Variants in GRM7 observed in about 807,000 individuals in gnomAD.
The protein encoded by GRM7 is glutamate metabotropic receptor 7.
Under a neutral mutation model 84.5 loss-of-function variants are expected in GRM7, and 35 were observed. That is an observed-to-expected ratio of 0.41 (90% CI 0.32 to 0.55). The LOEUF is 0.55. Among genes scored for constraint, GRM7 ranks in the 20% least tolerant of loss-of-function variants. GRM7 has a pLI of 0.19. For synonymous variants in GRM7, 487 were observed against 455.1 expected (o/e 1.07, Z -0.89); for missense variants, 1,003 against 1,194.6 (o/e 0.84, Z 2.36).
At chr3:7,339,638 C>G (rs768648331) in intron 4 of GRM7, among the ~76,000 whole-genome samples, 4 of 152,126 alleles carry the variant, frequency 2.6e-5, no homozygotes, top group Non-Finnish European at 4.4e-5. Flanking sequence ...TCCTGGTGCA[C>G]AGGTTCCCTG....
intron 1 of GRM7, among the ~76,000 whole-genome samples, chr3:7,050,107 G>A (rs900003300): frequency 6.6e-6 from 1 of 151,828 alleles, no homozygotes; most frequent in Admixed American, 6.6e-5. Flanking sequence ...AAGGCTATGA[G>A]GAGGTCTGTG....
intron 1 of GRM7, among the ~76,000 whole-genome samples, chr3:7,046,161 G>A (rs1228947518): frequency 6.6e-6 from 1 of 152,034 alleles, no homozygotes; most frequent in East Asian, 1.9e-4. Context: ...CCATTGTTAT[G>A]CTTTTTGTGG....
At chr3:7,175,435 AT>A (rs1695113726) in intron 2 of GRM7, among the ~76,000 whole-genome samples, 1 of 152,218 alleles carries the variant, frequency 6.6e-6, no homozygotes, top group African/African-American at 2.4e-5. Flanking sequence ...TGTGGAAGAG[AT>A]TATTGTGTCA....
At chr3:7,688,312 G>C (rs573099875) in intron 9 of GRM7, among the ~76,000 whole-genome samples, 5 of 152,214 alleles carry the variant, frequency 3.3e-5, no homozygotes, top group African/African-American at 1.2e-4. Context: ...ATAAAGCAAT[G>C]AGGTCACATC....
intron 8 of GRM7, among the ~76,000 whole-genome samples, chr3:7,642,343 A>G (rs902766904): frequency 1.3e-5 from 2 of 152,188 alleles, no homozygotes; most frequent in Admixed American, 1.3e-4. Context: ...AAAAAGTGGT[A>G]GAGGGAGAGG....
At position 7,554,580 on chromosome 3, in the gene GRM7, C is replaced by A. The variant is rs148055904; in HGVS notation, c.1516-23842C>A. Among the ~76,000 whole-genome samples the A allele has an allele frequency of 1.7e-3, 260 of 152,274 alleles. 2 individuals are homozygous for A. Among genetic ancestry groups the A allele is most frequent in the Admixed American group, 3.0e-3 (46 of 15,298 alleles). ...AAGTAATCCACCGCTAAATATCAGC[C>A]GCTTAGCCTAATAAAAGTTGATTTA... is the stretch of plus-strand genomic sequence containing the variant. On this transcript the variant is annotated intron_variant, in intron 7 of 9. Transcript: ENST00000357716.
At chr3:7,606,456 A>G (rs956164969) in intron 8 of GRM7, among the ~76,000 whole-genome samples, 4 of 152,182 alleles carry the variant, frequency 2.6e-5, no homozygotes, top group African/African-American at 9.7e-5. Context: ...TGACAATAAA[A>G]CACACAAATA....
rs111904592 is a variant in GRM7 at position 7,629,083 on chromosome 3, A to T, written c.2451+49726A>T. Among the ~76,000 whole-genome samples the T allele has an allele frequency of 2.1e-3, 325 of 151,840 alleles. 5 individuals are homozygous for T. Among genetic ancestry groups the T allele is most frequent in the African/African-American group, 7.6e-3 (314 of 41,336 alleles). On this transcript the variant is annotated intron_variant, in intron 8 of 9. Coordinates refer to ENST00000357716, the MANE Select transcript of GRM7 (RefSeq NM_000844.4). ...GTAATATTATTTATGAAGGCTCTGT[A>T]AAAAAAAGGAGATAACTTGACTGCT...
intron 1 of GRM7, among the ~76,000 whole-genome samples, chr3:6,923,294 CG>C (rs1575019048): frequency 3.3e-5 from 5 of 150,594 alleles, no homozygotes; most frequent in Admixed American, 6.6e-5. Context: ...GGATTACAGG[CG>C]TGAGCTACCA....
Position 7,626,594 on chromosome 3 carries a change from T to C in GRM7, c.2451+47237T>C, listed in dbSNP as rs556154750. ...TCTGCCAAGCTGCAGACAGCAATGC[T>C]TGGTGTTTCTTATGAAAAGCATGAC... On this transcript the variant is annotated intron_variant, in intron 8 of 9. Transcript: ENST00000357716. Among the ~76,000 whole-genome samples, 22 of 152,292 alleles carry C rather than the reference T, an allele frequency of 1.4e-4. No homozygotes were observed. In the South Asian group the frequency reaches 2.3e-3, roughly 16 times the overall value.
chr3:7,050,127 A>G lies in GRM7; in HGVS notation c.520-96325A>G, dbSNP rs181161077. On this transcript the variant is annotated intron_variant, in intron 1 of 9. Transcript: ENST00000357716. ...TATGAGGAGGTCTGTGGAAAGTCAC[A>G]TGTTCAATGGAATATGTACAAATTA... Among the ~76,000 whole-genome samples the G allele has an allele frequency of 8.0e-4, 122 of 152,040 alleles. 1 individual carries two copies. The highest frequency in any genetic ancestry group is 2.6e-3 in the African/African-American group (107 of 41,538).
intron 9 of GRM7, among the ~76,000 whole-genome samples, chr3:7,710,202 A>C (rs983588684): frequency 6.6e-6 from 1 of 152,188 alleles, no homozygotes; most frequent in African/African-American, 2.4e-5. Flanking sequence ...TTAAAGACTT[A>C]CATATCTCTT....
chr3:6,902,727 C>G (rs1379514259), intron 1 of GRM7, among the ~76,000 whole-genome samples: 2 of 151,978 alleles, frequency 1.3e-5, no homozygotes, highest in African/African-American at 2.4e-5. Context: ...GAGTGTCATC[C>G]AAGCAGTGTC....
intron 7 of GRM7, among the ~76,000 whole-genome samples, chr3:7,506,183 G>C (rs151011367): frequency 6.6e-6 from 1 of 152,064 alleles, no homozygotes; most frequent in East Asian, 1.9e-4. Context: ...ACAGTTCATT[G>C]TTACCTAATA....
chr3:7,692,041 G>A (rs2125151671), intron 9 of GRM7, among the ~76,000 whole-genome samples: 1 of 152,272 alleles, frequency 6.6e-6, no homozygotes, highest in Non-Finnish European at 1.5e-5. Context: ...AGAGTTGGAA[G>A]TCATGATATC....
chr3:7,165,618 G>A (rs1694775530), intron 2 of GRM7, among the ~76,000 whole-genome samples: 1 of 152,112 alleles, frequency 6.6e-6, no homozygotes, highest in Non-Finnish European at 1.5e-5. Flanking sequence ...TAGCTAATTC[G>A]ATATCTATAC....
intron 8 of GRM7, among the ~76,000 whole-genome samples, chr3:7,623,099 A>G (rs1422049543): frequency 2.0e-5 from 3 of 152,164 alleles, no homozygotes; most frequent in Non-Finnish European, 2.9e-5. Flanking sequence ...AATTCAGCCT[A>G]GCTAAGTTGA....
At chr3:7,352,048 ACACACACAC>A (rs1301400485) in intron 4 of GRM7, among the ~76,000 whole-genome samples, 6 of 124,206 alleles carry the variant, frequency 4.8e-5, no homozygotes, top group South Asian at 2.8e-4. Context: ...TCTCACACAC[ACACACACAC>A]CACACACACA....
At chr3:7,650,104 T>C (rs1698855576) in intron 8 of GRM7, among the ~76,000 whole-genome samples, 1 of 152,210 alleles carries the variant, frequency 6.6e-6, no homozygotes, top group African/African-American at 2.4e-5. Flanking sequence ...AGAAAACCTT[T>C]TATCCTACGC....
Sources: allele counts gnomAD v4.1 joint callset (sites outside exome capture counted in the v4.1 genomes callset), GRCh38; gene constraint gnomAD v4.1.1; transcripts MANE v1.5; gene names NCBI Gene and HGNC (gene_info 2026-07-23, HGNC 2026-07-21).